Variants in AP1AR observed in about 807,000 individuals in gnomAD.
AP1AR encodes the protein AP-1 complex-associated regulatory protein.
AP1AR carries 29 observed loss-of-function variants against 46.3 expected under a neutral mutation model. The observed-to-expected ratio is 0.63, with a 90% CI of 0.47 to 0.85. The LOEUF (loss-of-function observed/expected upper bound fraction) is 0.85, where lower values mean the gene tolerates loss of function less well. AP1AR is among the 40% of genes least tolerant of loss of function. AP1AR has a pLI of 0.00. For synonymous variants in AP1AR, 122 were observed against 122.9 expected, an observed-to-expected ratio of 0.99 and a Z score of 0.05; for missense variants, 357 against 356.3, an observed-to-expected ratio of 1.00 and a Z score of -0.02.
At chr4:112,259,463 T>G (rs112790005) in intron 4 of AP1AR, among the ~76,000 whole-genome samples, 6 of 152,352 alleles carry the variant, frequency 3.9e-5, no homozygotes, top group South Asian at 2.1e-4. Context: ...TTGTGAGGAT[T>G]ACAATTTGCT....
rs200802231 is a variant in AP1AR, at chr4:112,268,392, G to A, written c.892G>A (p.Asp298Asn). 6.3e-7 allele frequency: 1 copy of A among 1,599,908 alleles called. No homozygotes were observed. Among genetic ancestry groups the A allele is most frequent in the East Asian group, 2.2e-5 (1 of 44,682 alleles). Residue 298 changes from aspartate (D) to asparagine (N), a missense_variant, in exon 10 of 10, where the codon GAT becomes AAT. By Grantham distance (23) the Asp-to-Asn change is conservative. Around this residue, in one of 2 missense-constraint regions of AP1AR, gnomAD observed 88 missense variants for 132.7 expected, o/e 0.66. Transcript: ENST00000274000. Reference sequence around the variant, plus strand: ...TTCTGGCATAAGGCATTCTGACACAGATCAACAGACTCGATAGGGTAAAAT... The same window carrying A: ...TTCTGGCATAAGGCATTCTGACACAAATCAACAGACTCGATAGGGTAAAAT... ...SDSGIRHSDT[D>N]QQTR
chr4:112,237,872 C>T (rs1430157851), intron 1 of AP1AR, among the ~76,000 whole-genome samples: 3 of 152,262 alleles, frequency 2.0e-5, no homozygotes, highest in East Asian at 3.9e-4. Context: ...ATATTATCTC[C>T]CTGAGGAAAT....
intron 4 of AP1AR, 111 bp downstream of exon 4, chr4:112,257,908 A>C: frequency 1.1e-6 from 1 of 902,400 alleles, no homozygotes; most frequent in South Asian, 2.3e-5. Context: ...AACAGTTTAC[A>C]TTTCAGAACT....
At chr4:112,246,230 G>A (rs1455270441) in intron 1 of AP1AR, among the ~76,000 whole-genome samples, 1 of 152,186 alleles carries the variant, frequency 6.6e-6, no homozygotes, top group Non-Finnish European at 1.5e-5. Context: ...TTTAGGCTGG[G>A]TGTGGTGGCT....
intron 3 of AP1AR, among the ~76,000 whole-genome samples, chr4:112,255,897 T>C (rs1726180084): frequency 6.6e-6 from 1 of 152,256 alleles, no homozygotes; most frequent in Non-Finnish European, 1.5e-5. Flanking sequence ...ATTAATTGTG[T>C]ACGTTTCTGC....
chr4:112,260,967 A>G, intron 5 of AP1AR, 105 bp downstream of exon 5: 1 of 574,514 alleles, frequency 1.7e-6, no homozygotes. Flanking sequence ...AGATATATAC[A>G]GATGAATCTG....
intron 4 of AP1AR, among the ~76,000 whole-genome samples, chr4:112,259,635 C>A (rs1443919945): frequency 6.6e-6 from 1 of 152,110 alleles, no homozygotes; most frequent in African/African-American, 2.4e-5. Flanking sequence ...TTAGTTTCTT[C>A]TTTCTTCCTT....
intron 1 of AP1AR, among the ~76,000 whole-genome samples, chr4:112,236,030 A>G (rs1446968533): frequency 6.6e-6 from 1 of 151,794 alleles, no homozygotes; most frequent in East Asian, 1.9e-4. Context: ...CCTGCCCCTG[A>G]AGAAATTTTA....
intron 5 of AP1AR, among the ~76,000 whole-genome samples, chr4:112,262,330 C>CA (rs1357192750): frequency 2.6e-4 from 40 of 152,032 alleles, no homozygotes; most frequent in African/African-American, 9.4e-4. Flanking sequence ...TGTTTAGGAC[C>CA]AATTAGTGAT....
intron 1 of AP1AR, 129 bp downstream of exon 1, chr4:112,232,303 C>G (rs1725046434): frequency 2.6e-6 from 2 of 759,234 alleles, no homozygotes; most frequent in Non-Finnish European, 3.6e-6. Flanking sequence ...CACTGCTTAG[C>G]AGACGTCAGA....
chr4:112,251,464 G>A (rs1267262283), intron 1 of AP1AR, among the ~76,000 whole-genome samples: 1 of 152,240 alleles, frequency 6.6e-6, no homozygotes, highest in South Asian at 2.1e-4. Context: ...ACTTAGCTTT[G>A]GGCTTTGCCA....
chr4:112,245,366 C>T (rs895601780), intron 1 of AP1AR, among the ~76,000 whole-genome samples: 2 of 152,058 alleles, frequency 1.3e-5, no homozygotes, highest in African/African-American at 4.8e-5. Flanking sequence ...TTTTCAGCTA[C>T]AGAACTGTGA....
intron 1 of AP1AR, among the ~76,000 whole-genome samples, chr4:112,243,620 T>C (rs1402800727): frequency 6.6e-6 from 1 of 152,236 alleles, no homozygotes; most frequent in Non-Finnish European, 1.5e-5. Flanking sequence ...TTCAAGTCAT[T>C]CATTTCTATT....
At position 112,272,765 on chromosome 4, in the gene AP1AR, CT is replaced by C. The variant is rs529433123; in HGVS notation, c.*4357del. ...CTCCCAAGAAGACAAAGATCAAGGA[CT>C]ATGGAGCGTGCCCATACTCACCACT... On this transcript the variant is annotated 3_prime_UTR_variant, in exon 10 of 10. Coordinates refer to ENST00000274000, the MANE Select transcript of AP1AR (RefSeq NM_018569.6). Among the ~76,000 whole-genome samples, 149 of 152,228 alleles carry C rather than the reference CT, an allele frequency of 9.8e-4. 1 individual carries two copies. The highest frequency in any genetic ancestry group is 3.4e-3 in the African/African-American group (140 of 41,528).
At chr4:112,239,412 TC>T (rs1213338913) in intron 1 of AP1AR, among the ~76,000 whole-genome samples, 2 of 152,218 alleles carry the variant, frequency 1.3e-5, no homozygotes, top group Non-Finnish European at 2.9e-5. Flanking sequence ...GCTGCTGCTC[TC>T]CTCTGCATAT....
intron 1 of AP1AR, among the ~76,000 whole-genome samples, chr4:112,244,042 A>G (rs10020210): frequency 0.26 from 40,270 of 152,094 alleles, 5,380 homozygotes; most frequent in East Asian, 0.39. Context: ...AGCAACAAAT[A>G]CTGCATATTA....
chr4:112,267,428 C>T lies in AP1AR; in HGVS notation c.643+712C>T, dbSNP rs1044801146. Among the ~76,000 whole-genome samples, 3 of 151,912 alleles carry T rather than the reference C, an allele frequency of 2.0e-5. No individual in the cohort carries two copies. The East Asian group carries it at 5.8e-4, about 29-fold the overall frequency. ...CAAGATTATTGACACTTTCACTTTA[C>T]CAATTTCATTTTGTTCAGAATTAGA... On this transcript the variant is annotated intron_variant, in intron 9 of 9. Transcript: ENST00000274000.
At position 112,249,589 on chromosome 4, in the gene AP1AR, G is replaced by A. The variant is rs181288942; in HGVS notation, c.84-3619G>A. Among the ~76,000 whole-genome samples, 1,152 of 152,018 alleles carry A rather than the reference G, an allele frequency of 7.6e-3. 8 individuals are homozygous for A. The highest frequency in any genetic ancestry group is 0.012 in the Non-Finnish European group (843 of 67,984). On this transcript the variant is annotated intron_variant, in intron 1 of 9. Transcript: ENST00000274000. The stretch of plus-strand genomic sequence containing the variant: ...GGAGAATCGCTTGAACCTGGGAGGT[G>A]GAGGTTGCAGTGAGTCGAGATCCAG...
At position 112,268,369 on chromosome 4, in the gene AP1AR, C is replaced by G. The variant is rs1398489432; in HGVS notation, c.869C>G (p.Ser290Cys). ...AATCCTGTATTAGAACTGTCTGATT[C>G]TGGCATAAGGCATTCTGACACAGAT... The part of the protein sequence containing the change: ...FVNPVLELSD[S>C]GIRHSDTDQQ... The change falls in exon 10 of 10, where the codon TCT (serine) becomes TGT (cysteine). Residue 290 changes from serine to cysteine, a missense_variant. Ser to Cys is a moderately radical substitution (Grantham distance 112). Around this residue, in one of 2 missense-constraint regions of AP1AR, gnomAD observed 88 missense variants for 132.7 expected, o/e 0.66. Coordinates refer to ENST00000274000, the MANE Select transcript of AP1AR (RefSeq NM_018569.6). 1 of 1,610,076 alleles carries G rather than the reference C, an allele frequency of 6.2e-7. No homozygotes were observed. The highest frequency in any genetic ancestry group is 2.2e-5 in the East Asian group (1 of 44,842).
Sources: allele counts gnomAD v4.1 joint callset (sites outside exome capture counted in the v4.1 genomes callset), GRCh38; gene constraint gnomAD v4.1.1; regional missense constraint gnomAD v4.1.1; transcripts MANE v1.5; gene names NCBI Gene and HGNC (gene_info 2026-07-23, HGNC 2026-07-21).